Variants in RB1CC1 observed in about 807,000 individuals in gnomAD.
RB1CC1 encodes RB1-inducible coiled-coil protein 1.
Under a neutral mutation model 177.5 loss-of-function variants are expected in RB1CC1, and 46 were observed. The ratio of observed to expected loss-of-function variants is 0.26; its 90% confidence interval spans 0.20 to 0.33. The LOEUF (loss-of-function observed/expected upper bound fraction) is 0.33. Ranked by LOEUF, RB1CC1 falls within the 10% of genes least tolerant of loss-of-function variation. The pLI, the probability that RB1CC1 is intolerant of heterozygous loss-of-function variation, is 1.00. For missense variants in RB1CC1, 1,703 were observed against 1,816.3 expected (o/e 0.94, Z 1.13); for synonymous variants, 666 against 613.6 (o/e 1.09, Z -1.26).
chr8:52,625,607 A>C (rs75788295), intron 22 of RB1CC1, among the ~76,000 whole-genome samples: 1 of 152,206 alleles, frequency 6.6e-6, no homozygotes, highest in Non-Finnish European at 1.5e-5. Flanking sequence ...AATGCATTTA[A>C]TACTTCTAAT....
intron 7 of RB1CC1, 151 bp from the exon 8 acceptor site, chr8:52,668,342 G>C (rs1438212050): frequency 1.2e-6 from 1 of 809,728 alleles, no homozygotes; most frequent in Non-Finnish European, 1.9e-6. Flanking sequence ...ACTTTCATAA[G>C]AAGGTCAAGT....
intron 22 of RB1CC1, among the ~76,000 whole-genome samples, chr8:52,627,524 A>C (rs1410560387): frequency 6.6e-6 from 1 of 152,202 alleles, no homozygotes; most frequent in Admixed American, 6.5e-5. Flanking sequence ...TATTTTAAAA[A>C]TCAAATAGAT....
chr8:52,658,673 T>C (rs1167962854), intron 13 of RB1CC1, among the ~76,000 whole-genome samples, 200 bp downstream of exon 13: 2 of 151,812 alleles, frequency 1.3e-5, no homozygotes, highest in Non-Finnish European at 2.9e-5. Flanking sequence ...ATGTAAGGCA[T>C]GTCTTCCTTT....
chr8:52,629,125 A>G (rs1043041397), intron 21 of RB1CC1, among the ~76,000 whole-genome samples: 1 of 152,218 alleles, frequency 6.6e-6, no homozygotes, highest in African/African-American at 2.4e-5. Flanking sequence ...AGATACCACT[A>G]AGCCCTTTCA....
Position 52,670,459 on chromosome 8 carries a change from A to G in RB1CC1, c.1003-2268T>C, listed in dbSNP as rs1345802990. Among the ~76,000 whole-genome samples, 6 of 152,304 alleles carry G rather than the reference A, an allele frequency of 3.9e-5. No homozygotes were observed. The East Asian group carries it at 1.2e-3, about 29-fold the overall frequency. On this transcript the variant is annotated intron_variant, in intron 7 of 23. Transcript: ENST00000025008. ...TATTTTTAACTGAGAAAGAAACTAT[A>G]AAACAAAGTTTCTTACACTCTCTAT... is the stretch of plus-strand genomic sequence containing the variant.
Position 52,685,066 on chromosome 8 carries a change from G to A in RB1CC1, c.71+333C>T, listed in dbSNP as rs558461025. ...TCGCTGGGCTGGAGTGCAGTGGTGC[G>A]ATCTTGACTCACTGCAACCTCTGCC... On this transcript the variant is annotated intron_variant, in intron 3 of 23. Transcript: ENST00000025008. 6.1e-5 allele frequency among the ~76,000 whole-genome samples: 9 copies of A among 148,186 alleles called. No homozygotes were observed. In the South Asian group the frequency reaches 6.4e-4, roughly 10 times the overall value.
intron 1 of RB1CC1, among the ~76,000 whole-genome samples, chr8:52,696,338 G>A (rs995501243): frequency 3.9e-5 from 6 of 152,094 alleles, no homozygotes; most frequent in African/African-American, 1.4e-4. Context: ...CACCACGCCC[G>A]GCCTACTTTG....
intron 1 of RB1CC1, among the ~76,000 whole-genome samples, chr8:52,710,355 G>T (rs1418174696): frequency 6.6e-6 from 1 of 152,210 alleles, no homozygotes; most frequent in African/African-American, 2.4e-5. Context: ...ATTTAGAAAG[G>T]TAGTGCCCAA....
rs1245805851 is a variant in RB1CC1 at position 52,668,013 on chromosome 8, A to C, written c.1173+8T>G. 2 of 1,605,770 alleles carry C rather than the reference A, an allele frequency of 1.2e-6. No homozygotes were observed. The highest frequency in any genetic ancestry group is 2.2e-5 in the East Asian group (1 of 44,806). Reference sequence around the variant, plus strand: ...TTCCTTTTCCTGAGAAAAGTCTAAAATAGGTACCTGAGCAAGCTCTTTCTG... The same window carrying C: ...TTCCTTTTCCTGAGAAAAGTCTAAACTAGGTACCTGAGCAAGCTCTTTCTG... On this transcript the variant is annotated splice_region_variant and intron_variant, in intron 8 of 23. Coordinates refer to ENST00000025008, the MANE Select transcript of RB1CC1 (RefSeq NM_014781.5).
At chr8:52,651,533 A>C (rs1850585687) in intron 15 of RB1CC1, among the ~76,000 whole-genome samples, 2 of 152,210 alleles carry the variant, frequency 1.3e-5, no homozygotes, top group African/African-American at 2.4e-5. Flanking sequence ...GGTTAACCAA[A>C]CACATTCAGA....
intron 1 of RB1CC1, among the ~76,000 whole-genome samples, chr8:52,712,757 A>C (rs1193672030): frequency 1.3e-5 from 2 of 152,238 alleles, no homozygotes; most frequent in Non-Finnish European, 2.9e-5. Context: ...TTTTGAACAC[A>C]ATCACAAACA....
At chr8:52,711,909 C>T (rs572317233) in intron 1 of RB1CC1, among the ~76,000 whole-genome samples, 4 of 152,306 alleles carry the variant, frequency 2.6e-5, no homozygotes, top group Middle Eastern at 3.4e-3. Flanking sequence ...ACTTACACCC[C>T]TTACTTCTCT....
chr8:52,642,080 A>G lies in RB1CC1; in HGVS notation c.4337+271T>C, dbSNP rs549936058. ...CCCAAAATGTCAACATTCCCTGTAA[A>G]TAAGAATGGCTCAATACTACTGCCA... On this transcript the variant is annotated intron_variant, in intron 18 of 23. Transcript: ENST00000025008. 3.3e-5 allele frequency among the ~76,000 whole-genome samples: 5 copies of G among 152,290 alleles called. No individual in the cohort carries two copies. The South Asian group carries it at 1.0e-3, about 32-fold the overall frequency.
At chr8:52,652,237 T>C (rs887795860) in intron 15 of RB1CC1, among the ~76,000 whole-genome samples, 1 of 151,864 alleles carries the variant, frequency 6.6e-6, no homozygotes, top group Non-Finnish European at 1.5e-5. Context: ...GAGGCCGAGG[T>C]GGGCAGATCA....
intron 15 of RB1CC1, among the ~76,000 whole-genome samples, chr8:52,648,402 G>A (rs1457899270): frequency 6.6e-6 from 1 of 152,146 alleles, no homozygotes; most frequent in Non-Finnish European, 1.5e-5. Flanking sequence ...GATCTGAAAT[G>A]GCCCTGCTAT....
At position 52,656,849 on chromosome 8, in the gene RB1CC1, T is replaced by A. The variant is rs1168401754; in HGVS notation, c.2980A>T (p.Thr994Ser). The change falls in exon 15 of 24, where the codon ACA becomes TCA. Residue 994 changes from threonine (T) to serine (S), a missense_variant. Thr to Ser is a moderately conservative substitution (Grantham distance 58). Transcript: ENST00000025008. ...EQSHLKELED[T>S]LQVRHIQEFE... ...TCTTGTATGTGCCTAACCTGAAGTG[T>A]GTCCTCTAATTCCTTTAGATGACTT... is the stretch of plus-strand genomic sequence containing the variant. 2 of 1,613,644 alleles carry A rather than the reference T, an allele frequency of 1.2e-6. No homozygotes were observed. Among genetic ancestry groups the A allele is most frequent in the African/African-American group, 1.3e-5 (1 of 74,950 alleles).
intron 23 of RB1CC1, 95 bp from the exon 24 acceptor site, chr8:52,623,954 CAAAA>C: frequency 1.2e-6 from 1 of 814,722 alleles, no homozygotes; most frequent in Non-Finnish European, 2.0e-6. Context: ...CAAAAAGAAA[CAAAA>C]AAATAAATAA....
At chr8:52,679,470 G>A (rs1257786400) in intron 5 of RB1CC1, among the ~76,000 whole-genome samples, 1 of 152,184 alleles carries the variant, frequency 6.6e-6, no homozygotes, top group Admixed American at 6.5e-5. Flanking sequence ...ATTATGTATT[G>A]AGTGAAAGGC....
Position 52,656,849 on chromosome 8 carries a change from T to C in RB1CC1, c.2980A>G (p.Thr994Ala), listed in dbSNP as rs1168401754. ...TCTTGTATGTGCCTAACCTGAAGTG[T>C]GTCCTCTAATTCCTTTAGATGACTT... ...EQSHLKELEDTLQVRHIQEFE... is the reference protein window; with the variant it reads ...EQSHLKELEDALQVRHIQEFE... The change falls in exon 15 of 24, where the codon ACA (threonine) becomes GCA (alanine). Residue 994 changes from threonine to alanine, a missense_variant. Around this residue, in one of 6 missense-constraint regions of RB1CC1, gnomAD observed 1,169 missense variants for 1,184.7 expected, o/e 0.99. Coordinates refer to ENST00000025008, the MANE Select transcript of RB1CC1 (RefSeq NM_014781.5). The C allele has an allele frequency of 2.5e-6, 4 of 1,613,644 alleles. No individual in the cohort carries two copies. Among genetic ancestry groups the C allele is most frequent in the Non-Finnish European group, 3.4e-6 (4 of 1,179,994 alleles).
Sources: allele counts gnomAD v4.1 joint callset (sites outside exome capture counted in the v4.1 genomes callset), GRCh38; gene constraint gnomAD v4.1.1; regional missense constraint gnomAD v4.1.1; transcripts MANE v1.5; gene names NCBI Gene and HGNC (gene_info 2026-07-23, HGNC 2026-07-21).